SPATA6: variants seen among roughly 807,000 people sequenced by gnomAD.
SPATA6 encodes the protein spermatogenesis-associated protein 6.
A neutral mutation model predicts 65.3 loss-of-function variants in SPATA6; 56 were observed. That is an observed-to-expected ratio of 0.86 (90% CI 0.69 to 1.07). The LOEUF (loss-of-function observed/expected upper bound fraction) is 1.07. Ranked by LOEUF, SPATA6 falls within the 50% of genes least tolerant of loss-of-function variation. The pLI is 0.00. For synonymous variants in SPATA6, 199 were observed against 213.2 expected, an observed-to-expected ratio of 0.93 and a Z score of 0.58; for missense variants, 590 against 594.8, an observed-to-expected ratio of 0.99 and a Z score of 0.08.
At chr1:48,401,285 T>TTA (rs1450371070) in intron 6 of SPATA6, among the ~76,000 whole-genome samples, 1 of 152,042 alleles carries the variant, frequency 6.6e-6, no homozygotes, top group Admixed American at 6.6e-5. Flanking sequence ...AAGTTCTTTC[T>TTA]TATATATATA....
chr1:48,378,062 A>G (rs1485653363), intron 9 of SPATA6, among the ~76,000 whole-genome samples: 3 of 152,242 alleles, frequency 2.0e-5, no homozygotes, highest in African/African-American at 7.2e-5. Context: ...AATAGCATAC[A>G]GATCGAAAGT....
At chr1:48,369,439 C>T (rs557013598) in intron 9 of SPATA6, among the ~76,000 whole-genome samples, 2 of 152,326 alleles carry the variant, frequency 1.3e-5, no homozygotes, top group East Asian at 3.9e-4. Context: ...CCAGTTCGAG[C>T]TTCCTGGCTC....
chr1:48,438,380 A>T (rs1655142866), intron 3 of SPATA6, among the ~76,000 whole-genome samples: 1 of 152,170 alleles, frequency 6.6e-6, no homozygotes, highest in African/African-American at 2.4e-5. Flanking sequence ...CCTGTTGGCC[A>T]GTTAAAAGCG....
In SPATA6 at chr1:48,411,527, G is replaced by T; in HGVS notation, c.342C>A (p.Asn114Lys). The T allele has an allele frequency of 6.2e-7, 1 of 1,611,642 alleles. No homozygotes were observed. Residue 114 changes from asparagine to lysine, a missense_variant, in exon 5 of 13, where the codon AAC (asparagine) becomes AAA (lysine). Coordinates refer to ENST00000371847, the MANE Select transcript of SPATA6 (RefSeq NM_019073.4). ...TTGAATCATGGTGTCCAGACATTTG[G>T]TTTGGACCCGGAAACATGAAATCTC... Reference protein sequence around the residue: ...NTRDFMFPGPNQMSGHHDSNR... With the variant: ...NTRDFMFPGPKQMSGHHDSNR...
At chr1:48,338,274 A>C (rs1009675059) in intron 11 of SPATA6, among the ~76,000 whole-genome samples, 1 of 152,026 alleles carries the variant, frequency 6.6e-6, no homozygotes, top group Non-Finnish European at 1.5e-5. Flanking sequence ...TTTGACAAGC[A>C]ATGCTTCTGT....
intron 11 of SPATA6, among the ~76,000 whole-genome samples, chr1:48,317,212 T>A (rs1645455816): frequency 6.6e-6 from 1 of 152,174 alleles, no homozygotes; most frequent in Non-Finnish European, 1.5e-5. Flanking sequence ...CATGCTGTGA[T>A]AAAGACACAT....
intron 11 of SPATA6, among the ~76,000 whole-genome samples, chr1:48,335,118 C>CA (rs901320252): frequency 6.6e-6 from 1 of 151,656 alleles, no homozygotes; most frequent in Non-Finnish European, 1.5e-5. Flanking sequence ...CAAAACTGCT[C>CA]AAAAAAATCA....
chr1:48,294,218 A>G (rs938308929), downstream of SPATA6, among the ~76,000 whole-genome samples: 3 of 152,184 alleles, frequency 2.0e-5, no homozygotes, highest in Non-Finnish European at 4.4e-5. Flanking sequence ...CTGGGACTAC[A>G]GGTGCATGCC....
intron 3 of SPATA6, among the ~76,000 whole-genome samples, chr1:48,432,285 A>G (rs1448503846): frequency 6.6e-6 from 1 of 152,194 alleles, no homozygotes; most frequent in Admixed American, 6.5e-5. Context: ...TTAAAAAAAT[A>G]CACAAATAGG....
chr1:48,356,963 A>G (rs1433690686), intron 10 of SPATA6, among the ~76,000 whole-genome samples: 2 of 152,314 alleles, frequency 1.3e-5, no homozygotes, highest in Non-Finnish European at 1.5e-5. Context: ...TCTATGAAAA[A>G]TACATTAGCA....
At position 48,368,248 on chromosome 1, in the gene SPATA6, T is replaced by C. The variant is rs892708881; in HGVS notation, c.910-8478A>G. 4.6e-5 allele frequency among the ~76,000 whole-genome samples: 7 copies of C among 152,162 alleles called. No individual in the cohort carries two copies. The East Asian group carries it at 1.3e-3, about 29-fold the overall frequency. ...TTAACATTTTGCCTTCATTTAAACT[T>C]TGGTGAATCTGACAATTATGTGTCT... On this transcript the variant is annotated intron_variant, in intron 9 of 12. Coordinates refer to ENST00000371847, the MANE Select transcript of SPATA6 (RefSeq NM_019073.4).
chr1:48,350,057 T>C (rs533557898), intron 11 of SPATA6, among the ~76,000 whole-genome samples: 1 of 151,886 alleles, frequency 6.6e-6, no homozygotes, highest in African/African-American at 2.4e-5. Flanking sequence ...GGCTATACCA[T>C]TGGTATTCCC....
chr1:48,334,268 C>G (rs771148105), intron 11 of SPATA6, among the ~76,000 whole-genome samples: 42 of 151,646 alleles, frequency 2.8e-4, no homozygotes, highest in Non-Finnish European at 5.2e-4. Flanking sequence ...TACTCCTCCT[C>G]AACTCATTCA....
At chr1:48,362,885 G>C (rs1646859614) in intron 9 of SPATA6, among the ~76,000 whole-genome samples, 1 of 152,098 alleles carries the variant, frequency 6.6e-6, no homozygotes, top group African/African-American at 2.4e-5. Context: ...GGGATACATT[G>C]TACAAGAATC....
At chr1:48,436,354 A>G (rs949460521) in intron 3 of SPATA6, 1 of 1,612,122 alleles carries the variant, frequency 6.2e-7, no homozygotes, top group African/African-American at 1.3e-5. Context: ...CACTGTTGGC[A>G]GCTGGCTTTG....
the SPATA6 span, among the ~76,000 whole-genome samples, chr1:48,276,853 G>A: frequency 6.6e-6 from 1 of 151,954 alleles, no homozygotes; most frequent in Non-Finnish European, 1.5e-5. Context: ...GGTCCACTTG[G>A]TCCGGAGCTG....
intron 3 of SPATA6, among the ~76,000 whole-genome samples, chr1:48,424,857 T>C (rs1653688800): frequency 6.6e-6 from 1 of 152,158 alleles, no homozygotes; most frequent in South Asian, 2.1e-4. Flanking sequence ...TCCTATAGAG[T>C]TGTTTGAAGC....
intron 9 of SPATA6, among the ~76,000 whole-genome samples, chr1:48,364,483 T>G (rs1407167534): frequency 6.6e-6 from 1 of 152,246 alleles, no homozygotes; most frequent in Non-Finnish European, 1.5e-5. Flanking sequence ...AACTTTTTAA[T>G]GATCGCCATT....
intron 1 of SPATA6, among the ~76,000 whole-genome samples, chr1:48,454,247 A>G (rs1570628584): frequency 2.0e-5 from 3 of 152,252 alleles, no homozygotes; most frequent in African/African-American, 4.8e-5. Flanking sequence ...AGATTTGAGT[A>G]CAATATAATA....
Sources: allele counts gnomAD v4.1 joint callset (sites outside exome capture counted in the v4.1 genomes callset), GRCh38; gene constraint gnomAD v4.1.1; transcripts MANE v1.5; gene names NCBI Gene and HGNC (gene_info 2026-07-23, HGNC 2026-07-21).